FCHSD2: variants seen among roughly 807,000 people sequenced by gnomAD.
FCHSD2 encodes FCH and double SH3 domains 2, also known as F-BAR and double SH3 domains protein 2.
FCHSD2 carries 38 observed loss-of-function variants against 108.1 expected under a neutral mutation model. That is an observed-to-expected ratio of 0.35 (90% CI 0.27 to 0.46). The LOEUF is 0.46. FCHSD2 is among the 20% of genes least tolerant of loss of function. FCHSD2 has a pLI of 1.00. For synonymous variants in FCHSD2, 279 were observed against 314.7 expected (o/e 0.89, Z 1.20); for missense variants, 751 against 897.8 (o/e 0.84, Z 2.09).
chr11:73,078,071 A>G (rs1249779558), intron 3 of FCHSD2, among the ~76,000 whole-genome samples: 2 of 152,202 alleles, frequency 1.3e-5, no homozygotes, highest in East Asian at 3.8e-4. Context: ...CTGAAGCTAC[A>G]TAATTATGAC....
intron 3 of FCHSD2, among the ~76,000 whole-genome samples, chr11:73,064,493 G>A (rs1199823720): frequency 6.6e-6 from 1 of 152,020 alleles, no homozygotes; most frequent in Admixed American, 6.6e-5. Flanking sequence ...AAAAATCAAT[G>A]AATCCAGGAG....
At chr11:72,948,489 A>T (rs1345314491) in intron 8 of FCHSD2, among the ~76,000 whole-genome samples, 1 of 152,174 alleles carries the variant, frequency 6.6e-6, no homozygotes, top group East Asian at 1.9e-4. Flanking sequence ...TTCTTACAAC[A>T]TAATTTCTGA....
At chr11:73,126,987 G>A (rs926962809) in intron 2 of FCHSD2, among the ~76,000 whole-genome samples, 9 of 152,194 alleles carry the variant, frequency 5.9e-5, no homozygotes, top group Non-Finnish European at 1.2e-4. Flanking sequence ...GCAGTGAGCC[G>A]AGATTGCACC....
rs367825165 is a variant in FCHSD2, at chr11:72,928,393, A to G, written c.706-6443T>C. ...CTCTCATCACTGTTCTCTGCATTAT[A>G]CTCTACTTCCCAACTATACTGAGTC... On this transcript the variant is annotated intron_variant, in intron 8 of 19. Coordinates refer to ENST00000409418, the MANE Select transcript of FCHSD2 (RefSeq NM_014824.3). Among the ~76,000 whole-genome samples, 46 of 152,212 alleles carry G rather than the reference A, an allele frequency of 3.0e-4. No individual in the cohort carries two copies. The South Asian group carries it at 9.3e-3, about 31-fold the overall frequency.
intron 9 of FCHSD2, among the ~76,000 whole-genome samples, chr11:72,919,778 G>A (rs995766160): frequency 6.6e-5 from 10 of 151,550 alleles, no homozygotes; most frequent in East Asian, 5.8e-4. Flanking sequence ...AATAAATGTC[G>A]TTGGATTAAA....
chr11:73,000,559 T>A (rs1481583508), intron 5 of FCHSD2, among the ~76,000 whole-genome samples: 2 of 152,210 alleles, frequency 1.3e-5, no homozygotes, highest in African/African-American at 2.4e-5. Flanking sequence ...TTATGTTTAG[T>A]CAAAATGTGT....
At chr11:72,888,164 TG>T (rs1855237977) in intron 11 of FCHSD2, among the ~76,000 whole-genome samples, 2 of 152,184 alleles carry the variant, frequency 1.3e-5, no homozygotes, top group South Asian at 2.1e-4. Context: ...TATTTCATTG[TG>T]GGATGGAGAA....
intron 8 of FCHSD2, chr11:72,940,463 C>T (rs539652286): frequency 3.0e-6 from 2 of 664,876 alleles, no homozygotes; most frequent in South Asian, 3.4e-5. Flanking sequence ...AGCTATTTTC[C>T]TTTCTGTCTG....
At chr11:73,082,023 C>T (rs1859699370) in intron 3 of FCHSD2, among the ~76,000 whole-genome samples, 1 of 151,668 alleles carries the variant, frequency 6.6e-6, no homozygotes, top group South Asian at 2.1e-4. Context: ...GCCAACATGG[C>T]AAAATCCCGT....
intron 2 of FCHSD2, among the ~76,000 whole-genome samples, chr11:73,097,428 A>G (rs1284138707): frequency 6.7e-6 from 1 of 148,930 alleles, no homozygotes; most frequent in Non-Finnish European, 1.5e-5. Context: ...AGTAGTCTAT[A>G]GTTTTCTTCT....
intron 4 of FCHSD2, among the ~76,000 whole-genome samples, chr11:73,003,942 A>C (rs1443547296): frequency 8.6e-5 from 13 of 151,136 alleles, no homozygotes. Context: ...TCCCGTCTCT[A>C]CTGAAAATAC....
intron 3 of FCHSD2, among the ~76,000 whole-genome samples, chr11:73,056,004 TTA>T (rs972502865): frequency 2.0e-5 from 3 of 152,160 alleles, no homozygotes; most frequent in African/African-American, 7.2e-5. Context: ...ATGATAAATT[TTA>T]TGTTATGTAT....
At chr11:72,910,827 TAAAA>T (rs34549479) in intron 9 of FCHSD2, among the ~76,000 whole-genome samples, 1 of 116,620 alleles carries the variant, frequency 8.6e-6, no homozygotes. Context: ...CAATAAATAC[TAAAA>T]AAAAAAAAAA....
intron 3 of FCHSD2, among the ~76,000 whole-genome samples, chr11:73,020,572 T>C (rs1451523489): frequency 6.6e-6 from 1 of 152,160 alleles, no homozygotes; most frequent in South Asian, 2.1e-4. Flanking sequence ...TACTATATTC[T>C]TAAATCACTT....
chr11:73,105,682 C>T (rs1355500846), intron 2 of FCHSD2, among the ~76,000 whole-genome samples: 1 of 152,222 alleles, frequency 6.6e-6, no homozygotes, highest in African/African-American at 2.4e-5. Context: ...TATTATTAGG[C>T]TACAAATATG....
intron 2 of FCHSD2, among the ~76,000 whole-genome samples, chr11:73,090,045 A>C (rs1859916306): frequency 6.6e-6 from 1 of 152,176 alleles, no homozygotes; most frequent in Non-Finnish European, 1.5e-5. Context: ...ATATATCTAC[A>C]AATTTAGTAA....
rs1194107428 is a variant in FCHSD2, at chr11:72,913,813, CA to C, written c.828+8014del. 7.2e-3 allele frequency among the ~76,000 whole-genome samples: 747 copies of C among 103,902 alleles called. 5 individuals carry two copies. Among genetic ancestry groups the C allele is most frequent in the African/African-American group, 0.027 (724 of 27,158 alleles). 68.2% of individuals were successfully genotyped at this position (103,902 alleles called of 152,430 possible). On this transcript the variant is annotated intron_variant, in intron 9 of 19. Coordinates refer to ENST00000409418, the MANE Select transcript of FCHSD2 (RefSeq NM_014824.3). ...TTTCACAACTGATATACAAAAAAAC[CA>C]AAAAAAACCCAAAAAAAAAACAAAA...
chr11:73,044,386 T>G (rs915169633), intron 3 of FCHSD2, among the ~76,000 whole-genome samples: 6 of 152,102 alleles, frequency 3.9e-5, no homozygotes, highest in Non-Finnish European at 7.4e-5. Flanking sequence ...GAGACCAGCC[T>G]GGGCAACACA....
intron 12 of FCHSD2, among the ~76,000 whole-genome samples, chr11:72,881,653 A>G (rs1187895269): frequency 5.9e-5 from 9 of 152,220 alleles, no homozygotes; most frequent in African/African-American, 2.2e-4. Context: ...CCATCAGTGG[A>G]TTAAGAAAAT....
Sources: gnomAD v4.1 joint callset for allele counts (sites outside exome capture counted in the v4.1 genomes callset) on GRCh38, gnomAD v4.1.1 for gene constraint, MANE v1.5 for transcripts, NCBI Gene and HGNC (gene_info 2026-07-23, HGNC 2026-07-21) for gene names.